Variants in TLN2 observed in about 807,000 individuals in gnomAD.
The protein encoded by TLN2 is talin 2, also known as talin-2.
In TLN2, 118 loss-of-function variants were observed where a neutral mutation model predicts 294.7. That is an observed-to-expected ratio of 0.40 (90% CI 0.34 to 0.47). The LOEUF (loss-of-function observed/expected upper bound fraction) is 0.47. Ranked by LOEUF, TLN2 falls within the 20% of genes least tolerant of loss-of-function variation. The pLI is 0.84. For missense variants in TLN2, 3,083 were observed against 3,282.2 expected, an observed-to-expected ratio of 0.94 and a Z score of 1.48; for synonymous variants, 1,431 against 1,304.5, an observed-to-expected ratio of 1.10 and a Z score of -2.09.
intron 1 of TLN2, among the ~76,000 whole-genome samples, chr15:62,563,337 C>G (rs2043136887): frequency 1.3e-5 from 2 of 152,280 alleles, no homozygotes; most frequent in African/African-American, 4.8e-5. Context: ...TTGCATTTCC[C>G]TGATCATTAG....
At chr15:62,775,854 C>T (rs2063687100) in intron 42 of TLN2, among the ~76,000 whole-genome samples, 1 of 152,224 alleles carries the variant, frequency 6.6e-6, no homozygotes, top group Non-Finnish European at 1.5e-5. Context: ...TCAAATTTTG[C>T]AGAGCGAGGG....
chr15:62,770,614 C>T (rs1331651423), intron 41 of TLN2, among the ~76,000 whole-genome samples: 1 of 152,188 alleles, frequency 6.6e-6, no homozygotes, highest in Admixed American at 6.5e-5. Context: ...TTCCACTCCT[C>T]CTTCCTCCTG....
At chr15:62,634,025 A>T (rs1328803022) in intron 3 of TLN2, among the ~76,000 whole-genome samples, 1 of 152,136 alleles carries the variant, frequency 6.6e-6, no homozygotes, top group Non-Finnish European at 1.5e-5. Context: ...GTCAATTCGG[A>T]TTATGACCTG....
At chr15:62,638,906 A>G (rs2050690216) in intron 3 of TLN2, among the ~76,000 whole-genome samples, 1 of 152,142 alleles carries the variant, frequency 6.6e-6, no homozygotes, top group East Asian at 1.9e-4. Flanking sequence ...CTTGTTAGCC[A>G]TGAAGTTCAG....
intron 42 of TLN2, among the ~76,000 whole-genome samples, 169 bp from the exon 43 acceptor site, chr15:62,776,595 A>G (rs533065065): frequency 9.2e-5 from 14 of 152,132 alleles, no homozygotes; most frequent in African/African-American, 1.4e-4. Context: ...TCTGATTTTT[A>G]TTTACTTTGC....
intron 3 of TLN2, among the ~76,000 whole-genome samples, chr15:62,639,124 A>G (rs549013986): frequency 2.0e-5 from 3 of 152,322 alleles, no homozygotes; most frequent in Non-Finnish European, 2.9e-5. Context: ...GCACTGTGAT[A>G]GGCCTTGAAA....
At chr15:62,839,663 A>G (rs1436156998) in intron 58 of TLN2, among the ~76,000 whole-genome samples, 1 of 152,180 alleles carries the variant, frequency 6.6e-6, no homozygotes, top group Non-Finnish European at 1.5e-5. Context: ...TGTTTTATTT[A>G]TCCGCATCAG....
At chr15:62,461,065 C>T (rs1167411178) in intron 1 of TLN2, among the ~76,000 whole-genome samples, 3 of 152,186 alleles carry the variant, frequency 2.0e-5, no homozygotes, top group Non-Finnish European at 4.4e-5. Flanking sequence ...TCTCCTGCCT[C>T]AGACTCCCAA....
At chr15:62,584,703 G>A (rs2045443383) in intron 1 of TLN2, among the ~76,000 whole-genome samples, 1 of 152,182 alleles carries the variant, frequency 6.6e-6, no homozygotes. Flanking sequence ...CTTGGCAAGT[G>A]GTGGAAGTTG....
chr15:62,592,610 C>T (rs537738635), intron 2 of TLN2, among the ~76,000 whole-genome samples: 19 of 151,948 alleles, frequency 1.3e-4, no homozygotes, highest in Non-Finnish European at 1.6e-4. Context: ...TGACATAAAC[C>T]AGAGGAAGGA....
At chr15:62,698,718 T>G (rs1567387770) in intron 15 of TLN2, 36 bp from the exon 16 acceptor site, 1 of 1,566,690 alleles carries the variant, frequency 6.4e-7, no homozygotes. Context: ...GTCCCAGGCG[T>G]GTGGGATGAC....
chr15:62,545,168 G>C (rs1259073418), intron 1 of TLN2, among the ~76,000 whole-genome samples: 1 of 151,308 alleles, frequency 6.6e-6, no homozygotes, highest in Non-Finnish European at 1.5e-5. Context: ...TCAATCTCCT[G>C]ACCTCATGAT....
intron 14 of TLN2, 78 bp downstream of exon 14, chr15:62,694,470 T>G (rs1039401429): frequency 8.3e-7 from 1 of 1,199,810 alleles, no homozygotes; most frequent in African/African-American, 1.5e-5. Flanking sequence ...TGGAGCCTGC[T>G]GCTCTGAAGC....
intron 4 of TLN2, among the ~76,000 whole-genome samples, chr15:62,649,303 T>C (rs1029898972): frequency 6.6e-6 from 1 of 150,768 alleles, no homozygotes; most frequent in African/African-American, 2.5e-5. Context: ...TTTTTTTTGG[T>C]GGGGGTGGGG....
chr15:62,829,785 C>G (rs2068599388), intron 54 of TLN2: 2 of 152,172 alleles, frequency 1.3e-5, no homozygotes, highest in South Asian at 2.1e-4. Flanking sequence ...ACCTCCCAGC[C>G]CCTCACTACC....
At chr15:62,794,968 C>T (rs2065357728) in intron 46 of TLN2, among the ~76,000 whole-genome samples, 1 of 152,184 alleles carries the variant, frequency 6.6e-6, no homozygotes, top group Non-Finnish European at 1.5e-5. Context: ...AATACAAAGA[C>T]TCAAAGAGCC....
chr15:62,408,911 C>T (rs1193434230), intron 1 of TLN2, among the ~76,000 whole-genome samples: 1 of 152,034 alleles, frequency 6.6e-6, no homozygotes, highest in Non-Finnish European at 1.5e-5. Context: ...CCTCCTGCCT[C>T]GGCCTCCCAA....
intron 1 of TLN2, among the ~76,000 whole-genome samples, chr15:62,452,438 A>G (rs963503156): frequency 2.0e-5 from 3 of 152,258 alleles, no homozygotes; most frequent in African/African-American, 7.2e-5. Flanking sequence ...TTAAAAACAC[A>G]TTATGGTAAA....
At chr15:62,789,933 TTTGAGTGTGGTC>T (rs1429708865) in intron 45 of TLN2, among the ~76,000 whole-genome samples, 1 of 152,188 alleles carries the variant, frequency 6.6e-6, no homozygotes, top group African/African-American at 2.4e-5. Context: ...GAAAGGAGCT[TTTGAGTGTGGTC>T]TTGGCCAAAT....
Sources: gnomAD v4.1 joint callset for allele counts (sites outside exome capture counted in the v4.1 genomes callset) on GRCh38, gnomAD v4.1.1 for gene constraint, MANE v1.5 for transcripts, NCBI Gene and HGNC (gene_info 2026-07-23, HGNC 2026-07-21) for gene names.